CRAMP1: variants seen among roughly 807,000 people sequenced by gnomAD.
CRAMP1 encodes the protein protein cramped-like.
In CRAMP1, 50 loss-of-function variants were observed where a neutral mutation model predicts 115.4. The ratio of observed to expected loss-of-function variants is 0.43; its 90% CI spans 0.35 to 0.55. The LOEUF (loss-of-function observed/expected upper bound fraction) is 0.55, where lower values mean the gene tolerates loss of function less well. Ranked by LOEUF, CRAMP1 falls within the 20% of genes least tolerant of loss-of-function variation. The probability of loss-of-function intolerance (pLI) is 0.01; values close to 1 mark genes in which losing one functional copy is unlikely to be tolerated. For missense variants in CRAMP1, 1,679 were observed against 1,721.7 expected (o/e 0.98, Z 0.44); for synonymous variants, 866 against 745.4 (o/e 1.16, Z -2.64).
intron 17 of CRAMP1, 88 bp from the exon 18 acceptor site, chr16:1,667,874 C>A: frequency 2.5e-6 from 2 of 813,732 alleles, no homozygotes; most frequent in Non-Finnish European, 4.0e-6. Context: ...GATTTGCCTG[C>A]AAGCTAGGAG....
intron 6 of CRAMP1, chr16:1,645,322 G>T: frequency 4.2e-6 from 1 of 240,122 alleles, no homozygotes; most frequent in Non-Finnish European, 8.9e-6. Flanking sequence ...GACTAGCTGG[G>T]ATTACAGGCG....
At chr16:1,625,902 C>T in intron 2 of CRAMP1, 71 bp from the exon 3 acceptor site, 1 of 1,454,656 alleles carries the variant, frequency 6.9e-7, no homozygotes, top group South Asian at 1.3e-5. Context: ...CCTTCCCTCC[C>T]ACCGGCCCTC....
Position 1,617,794 on chromosome 16 carries a change from C to CT in CRAMP1, c.346+2817dup, listed in dbSNP as rs539470803. 2.2e-4 allele frequency among the ~76,000 whole-genome samples: 34 copies of CT among 152,170 alleles called. 1 individual carries two copies. The South Asian group carries it at 6.6e-3, about 30-fold the overall frequency. The stretch of plus-strand genomic sequence containing the variant: ...CTCTTATTGACTTCAATGAAAAATG[C>CT]TTTTTTTTCTAGTTCAGTTTCAAAT... On this transcript the variant is annotated intron_variant, in intron 2 of 20. Coordinates refer to ENST00000397412, the MANE Select transcript of CRAMP1 (RefSeq NM_020825.4).
At chr16:1,627,385 A>G (rs143306224) in intron 3 of CRAMP1, among the ~76,000 whole-genome samples, 6 of 152,140 alleles carry the variant, frequency 3.9e-5, no homozygotes, top group South Asian at 2.1e-4. Flanking sequence ...AGCTCAGGCA[A>G]TCTGCCCACT....
intron 5 of CRAMP1, among the ~76,000 whole-genome samples, chr16:1,638,935 A>G (rs528149735): frequency 6.8e-6 from 1 of 147,870 alleles, no homozygotes; most frequent in Admixed American, 6.7e-5. Context: ...GGGCCCAGCC[A>G]CTCCTCTTAC....
At chr16:1,615,949 C>T (rs1047459027) in intron 2 of CRAMP1, among the ~76,000 whole-genome samples, 1 of 152,152 alleles carries the variant, frequency 6.6e-6, no homozygotes, top group African/African-American at 2.4e-5. Flanking sequence ...AAATATATTA[C>T]GAACTAATGG....
intron 19 of CRAMP1, 130 bp from the exon 20 acceptor site, chr16:1,670,534 A>AC: frequency 1.0e-6 from 1 of 956,358 alleles, no homozygotes; most frequent in Non-Finnish European, 1.6e-6. Context: ...AGCTCTTCGC[A>AC]CAAGTCTGGA....
chr16:1,670,411 GA>G (rs1725795487), intron 19 of CRAMP1: 1 of 434,670 alleles, frequency 2.3e-6, no homozygotes, highest in African/African-American at 2.1e-5. Context: ...GGGGGTGGGG[GA>G]TGGCAGTGAG....
intron 6 of CRAMP1, chr16:1,647,042 G>A: frequency 1.4e-6 from 1 of 702,920 alleles, no homozygotes; most frequent in South Asian, 1.5e-5. Flanking sequence ...CAAACAAACA[G>A]GAAACCTGTC....
intron 2 of CRAMP1, among the ~76,000 whole-genome samples, chr16:1,617,366 A>G (rs917553193): frequency 6.6e-6 from 1 of 152,218 alleles, no homozygotes; most frequent in Admixed American, 6.5e-5. Flanking sequence ...ACCTCTGCTC[A>G]GTCGTTGCTT....
At chr16:1,618,420 G>A (rs913491752) in intron 2 of CRAMP1, among the ~76,000 whole-genome samples, 5 of 152,200 alleles carry the variant, frequency 3.3e-5, no homozygotes, top group Non-Finnish European at 5.9e-5. Context: ...ACAGGCTGGC[G>A]GGGTGGGGAG....
At position 1,655,981 on chromosome 16, in the gene CRAMP1, G is replaced by A. The variant is rs1281992731; in HGVS notation, c.1224G>A (p.Pro408=). ...CAGGCGAGAACTGTACACTGACACC[G>A]CTGCCGGGCGTGGCTCGCGTGGTGC... The part of the protein sequence containing the change: ...LFPGENCTLT[P]LPGVARVVHS... The change falls in exon 10 of 21, where the codon CCG becomes CCA. Residue 408 remains proline (P), a synonymous_variant. Coordinates refer to ENST00000397412, the MANE Select transcript of CRAMP1 (RefSeq NM_020825.4). 6.2e-6 allele frequency: 10 copies of A among 1,612,932 alleles called. No homozygotes were observed. Among genetic ancestry groups the A allele is most frequent in the Admixed American group, 1.7e-5 (1 of 60,006 alleles).
intron 6 of CRAMP1, among the ~76,000 whole-genome samples, chr16:1,643,837 C>T (rs936881955): frequency 6.6e-6 from 1 of 152,238 alleles, no homozygotes. Flanking sequence ...GGCCAGAAGG[C>T]GGCATGGCTG....
chr16:1,661,575 A>G (rs1190311560), intron 11 of CRAMP1, among the ~76,000 whole-genome samples: 7 of 150,076 alleles, frequency 4.7e-5, no homozygotes, highest in Middle Eastern at 3.5e-3. Context: ...AGAGGGGGCC[A>G]GTCCCTACTA....
At chr16:1,619,772 C>T (rs2036450862) in intron 2 of CRAMP1, among the ~76,000 whole-genome samples, 2 of 152,258 alleles carry the variant, frequency 1.3e-5, no homozygotes, top group Admixed American at 1.3e-4. Context: ...GGAGTCCCGG[C>T]AGAGAAGGGG....
In CRAMP1 at chr16:1,660,036, C is replaced by A. The variant is rs112404892; in HGVS notation, c.2386C>A (p.Pro796Thr). 8.8e-5 allele frequency: 141 copies of A among 1,595,586 alleles called. 1 individual carries two copies. In the African/African-American group the frequency reaches 1.6e-3, roughly 18 times the overall value. Residue 796 changes from proline to threonine, a missense_variant, in exon 11 of 21, where the codon CCG (proline) becomes ACG (threonine). This residue lies in a region of CRAMP1 where 709 missense variants were observed against 741.9 expected (regional missense o/e 0.96). Coordinates refer to ENST00000397412, the MANE Select transcript of CRAMP1 (RefSeq NM_020825.4). ...QASLRSSKTF[P>T]PSSAPCSSGL... is the part of the protein sequence containing the mutation. ...CTCCCTCCGCAGCAGCAAGACCTTC[C>A]CGCCCAGCTCTGCACCCTGCTCCTC...
At chr16:1,617,737 T>C (rs1420359395) in intron 2 of CRAMP1, among the ~76,000 whole-genome samples, 2 of 152,238 alleles carry the variant, frequency 1.3e-5, no homozygotes, top group African/African-American at 2.4e-5. Context: ...CTTTTCTGCA[T>C]GCAAGTGTGT....
chr16:1,620,650 C>G (rs1209374233), intron 2 of CRAMP1: 1 of 457,014 alleles, frequency 2.2e-6, no homozygotes, highest in African/African-American at 2.0e-5. Flanking sequence ...AGACATCTTC[C>G]AAAGGCCCAG....
chr16:1,676,107 A>T lies in CRAMP1; in HGVS notation c.*2062A>T, dbSNP rs757478732. The T allele has an allele frequency of 6.6e-6, 1 of 152,286 alleles. No individual in the cohort carries two copies. The highest frequency in any genetic ancestry group is 1.5e-5 in the Non-Finnish European group (1 of 68,070). The allele number at this position is 152,286 out of a possible 1,614,324, so 9.4% of individuals were successfully genotyped here. ...GAGCTGTGTGCACTGTGCCAGGGAC[A>T]GGAGGGTTTGTGAACTGCCTGTCAG... On this transcript the variant is annotated 3_prime_UTR_variant, in exon 21 of 21. Transcript: ENST00000397412.
Sources: allele counts gnomAD v4.1 joint callset (sites outside exome capture counted in the v4.1 genomes callset), GRCh38; gene constraint gnomAD v4.1.1; regional missense constraint gnomAD v4.1.1; transcripts MANE v1.5; gene names NCBI Gene and HGNC (gene_info 2026-07-23, HGNC 2026-07-21).